CNIH3: variants seen among roughly 807,000 people sequenced by gnomAD.
CNIH3 encodes protein cornichon homolog 3.
CNIH3 carries 14 observed loss-of-function variants against 24.1 expected under a neutral mutation model. The observed-to-expected ratio is 0.58, with a 90% CI of 0.38 to 0.91. The LOEUF (loss-of-function observed/expected upper bound fraction) is 0.91. CNIH3 is among the 40% of genes least tolerant of loss of function. CNIH3 has a pLI of 0.00. For synonymous variants in CNIH3, 68 were observed against 73.8 expected, an observed-to-expected ratio of 0.92 and a Z score of 0.40; for missense variants, 178 against 196.8, an observed-to-expected ratio of 0.90 and a Z score of 0.57.
At chr1:224,528,556 C>T (rs1425644176) in intron 2 of CNIH3, among the ~76,000 whole-genome samples, 2 of 152,220 alleles carry the variant, frequency 1.3e-5, no homozygotes, top group African/African-American at 2.4e-5. Context: ...CTCCTGGCTT[C>T]AAGTGATCCA....
chr1:224,515,767 G>C (rs1678355139), upstream of CNIH3: 3 of 152,314 alleles, frequency 2.0e-5, no homozygotes, highest in East Asian at 3.9e-4. Context: ...CAAGAGCCGA[G>C]AAGTAGAATC....
chr1:224,606,817 C>A (rs1374276604), intron 3 of CNIH3, among the ~76,000 whole-genome samples: 1 of 151,982 alleles, frequency 6.6e-6, no homozygotes, highest in Non-Finnish European at 1.5e-5. Flanking sequence ...TCAGGAGGAA[C>A]CAGTGTGGAC....
intron 3 of CNIH3, among the ~76,000 whole-genome samples, chr1:224,547,754 G>A (rs912008867): frequency 6.6e-5 from 10 of 151,778 alleles, no homozygotes; most frequent in South Asian, 2.1e-4. Flanking sequence ...TGTATACCTC[G>A]TGATATTATT....
At chr1:224,531,640 C>T (rs547471385) in intron 2 of CNIH3, among the ~76,000 whole-genome samples, 16 of 152,246 alleles carry the variant, frequency 1.1e-4, no homozygotes, top group South Asian at 1.0e-3. Flanking sequence ...CTAAGAGTAA[C>T]GGGAAGCAAT....
chr1:224,457,271 CTCTCTGTG>C (rs1324828972), intron 1 of CNIH3, among the ~76,000 whole-genome samples: 4,925 of 82,082 alleles, frequency 0.06, 151 homozygotes, highest in African/African-American at 0.099. Flanking sequence ...CCTCCTCTCT[CTCTCTGTG>C]TGTGTGTGTG....
downstream of CNIH3, among the ~76,000 whole-genome samples, chr1:224,592,092 C>T (rs1012449228): frequency 2.0e-4 from 30 of 151,914 alleles, no homozygotes; most frequent in African/African-American, 7.2e-4. Flanking sequence ...GTGAAAGCTT[C>T]TTCATTCCAT....
chr1:224,618,151 G>T (rs1178658580), intron 1 of CNIH3, among the ~76,000 whole-genome samples: 1 of 152,228 alleles, frequency 6.6e-6, no homozygotes, highest in African/African-American at 2.4e-5. Context: ...TGCGTACGCC[G>T]GTCCTCTCAA....
At chr1:224,558,394 G>C (rs987191075) in intron 3 of CNIH3, among the ~76,000 whole-genome samples, 2 of 152,078 alleles carry the variant, frequency 1.3e-5, no homozygotes, top group Non-Finnish European at 1.5e-5. Flanking sequence ...CAAGTCCCAG[G>C]CTTGCTCAGA....
chr1:224,687,900 G>A (rs1686739546), intron 3 of CNIH3, among the ~76,000 whole-genome samples: 1 of 152,236 alleles, frequency 6.6e-6, no homozygotes, highest in South Asian at 2.1e-4. Flanking sequence ...GTTAGGACAT[G>A]GGAGATGAAA....
At chr1:224,444,943 CT>C (rs77862419) in intron 1 of CNIH3, among the ~76,000 whole-genome samples, 407 of 136,124 alleles carry the variant, frequency 3.0e-3, no homozygotes, top group Middle Eastern at 7.8e-3. Context: ...ACGCCCGGCC[CT>C]TTTTTTTTTT....
intron 5 of CNIH3, chr1:224,587,213 A>G (rs1187170919): frequency 6.6e-6 from 1 of 152,326 alleles, no homozygotes; most frequent in Non-Finnish European, 1.5e-5. Context: ...AATAGTGAAG[A>G]GTCAAGGTTT....
At position 224,575,915 on chromosome 1, in the gene CNIH3, G is replaced by A. The variant is rs974675676; in HGVS notation, n.517-7249G>A. On this transcript the variant is annotated intron_variant and non_coding_transcript_variant, in intron 4 of 5. Transcript: ENST00000471578. ...TGCTTTTCTCAGGTCATGTTTGGGT[G>A]CAACAATTAGATACTTACTCAAGCT... 3.9e-4 allele frequency among the ~76,000 whole-genome samples: 60 copies of A among 152,124 alleles called. 1 individual carries two copies. Among genetic ancestry groups the A allele is most frequent in the African/African-American group, 1.3e-3 (54 of 41,430 alleles).
chr1:224,591,844 T>C (rs1476669936), downstream of CNIH3, among the ~76,000 whole-genome samples: 1 of 152,232 alleles, frequency 6.6e-6, no homozygotes, highest in Non-Finnish European at 1.5e-5. Context: ...TATCATTTTC[T>C]CATTGGTAAA....
intron 1 of CNIH3, among the ~76,000 whole-genome samples, chr1:224,459,744 C>G (rs1378543216): frequency 2.6e-5 from 4 of 152,226 alleles, no homozygotes; most frequent in Admixed American, 1.3e-4. Context: ...CTCTGATTGC[C>G]TTTGTAAAAT....
downstream of CNIH3, among the ~76,000 whole-genome samples, chr1:224,540,133 A>C (rs941575805): frequency 6.6e-6 from 1 of 152,214 alleles, no homozygotes; most frequent in African/African-American, 2.4e-5. Flanking sequence ...TAAAAGTTCA[A>C]AAGAAAATCA....
At chr1:224,560,989 C>T (rs948313505) in intron 3 of CNIH3, among the ~76,000 whole-genome samples, 17 of 152,128 alleles carry the variant, frequency 1.1e-4, no homozygotes, top group African/African-American at 3.9e-4. Context: ...TAATGATATT[C>T]AGCACCTATA....
intron 1 of CNIH3, among the ~76,000 whole-genome samples, chr1:224,670,178 C>G (rs540953161): frequency 7.9e-5 from 12 of 152,318 alleles, no homozygotes; most frequent in Admixed American, 2.0e-4. Flanking sequence ...ACTCTTCACT[C>G]TAAAGAGGCA....
chr1:224,589,450 G>T (rs1435710246), downstream of CNIH3, among the ~76,000 whole-genome samples: 1 of 152,174 alleles, frequency 6.6e-6, no homozygotes, highest in African/African-American at 2.4e-5. Context: ...CTATGTGCAG[G>T]CAAAACTGAT....
intron 1 of CNIH3, among the ~76,000 whole-genome samples, chr1:224,656,637 C>G (rs1052589305): frequency 6.6e-6 from 1 of 152,114 alleles, no homozygotes; most frequent in Admixed American, 6.5e-5. Flanking sequence ...TGCAGGCTAA[C>G]TTGACAGATG....
Sources: allele counts gnomAD v4.1 joint callset (sites outside exome capture counted in the v4.1 genomes callset), GRCh38; gene constraint gnomAD v4.1.1; transcripts MANE v1.5; gene names NCBI Gene and HGNC (gene_info 2026-07-23, HGNC 2026-07-21).